The following DNAH9 variants were observed in gnomAD, a reference collection of about 807,000 sequenced individuals.
DNAH9 encodes dynein axonemal heavy chain 9.
In DNAH9, 345 loss-of-function variants were observed where a neutral mutation model predicts 471.6. That is an observed-to-expected ratio of 0.73 (90% confidence interval 0.67 to 0.80). The LOEUF (loss-of-function observed/expected upper bound fraction) is 0.80, where lower values mean the gene tolerates loss of function less well. DNAH9 is among the 30% of genes least tolerant of loss of function. The probability of loss-of-function intolerance (pLI) is 0.00; values close to 1 mark genes in which losing one functional copy is unlikely to be tolerated. For synonymous variants in DNAH9, 2,093 were observed against 2,123.6 expected, an observed-to-expected ratio of 0.99 and a Z score of 0.40; for missense variants, 5,407 against 5,609.2, an observed-to-expected ratio of 0.96 and a Z score of 1.15.
chr17:11,871,810 C>G (rs374591659), intron 52 of DNAH9, 24 bp downstream of exon 52: 1 of 1,610,002 alleles, frequency 6.2e-7, no homozygotes, highest in Non-Finnish European at 8.5e-7. Flanking sequence ...GAATTTCTCC[C>G]GACCACATCA....
chr17:11,778,747 C>T lies in DNAH9; in HGVS notation c.7553-2262C>T, dbSNP rs1358817490. 3.3e-5 allele frequency among the ~76,000 whole-genome samples: 5 copies of T among 152,234 alleles called. No individual in the cohort carries two copies. In the East Asian group the frequency reaches 5.8e-4, roughly 18 times the overall value. On this transcript the variant is annotated intron_variant, in intron 38 of 68. Coordinates refer to ENST00000262442, the MANE Select transcript of DNAH9 (RefSeq NM_001372.4). ...GCAGGCCGGGCACAGTGGCTCGTGC[C>T]TGTAATCCCAGCACTTTGGGAGGCT...
intron 35 of DNAH9, 100 bp downstream of exon 35, chr17:11,757,792 C>T: frequency 7.8e-7 from 1 of 1,281,178 alleles, no homozygotes; most frequent in Non-Finnish European, 1.1e-6. Context: ...GTCCCAAAGT[C>T]AGATGTTCCC....
chr17:11,706,382 AC>A (rs1302779231), intron 26 of DNAH9, among the ~76,000 whole-genome samples: 2 of 152,332 alleles, frequency 1.3e-5, no homozygotes, highest in East Asian at 3.9e-4. Flanking sequence ...CACTGGGAAT[AC>A]TAAGATGACT....
chr17:11,946,199 CA>C (rs34028612), intron 67 of DNAH9, among the ~76,000 whole-genome samples: 11,575 of 47,744 alleles, frequency 0.24, 201 homozygotes, highest in East Asian at 0.28. Context: ...GAGTCCATCT[CA>C]AAAAAAAAAA....
chr17:11,693,891 C>G lies in DNAH9; in HGVS notation c.4638C>G (p.Ile1546Met). 1 of 1,614,012 alleles carries G rather than the reference C, an allele frequency of 6.2e-7. No individual in the cohort carries two copies. Among genetic ancestry groups the G allele is most frequent in the South Asian group, 1.1e-5 (1 of 91,064 alleles). The stretch of plus-strand genomic sequence containing the variant: ...AGGATTCTAAAAGGTTTGAAGGCAT[C>G]GACATTGACTTTAAAGAGCTAGCTT... The part of the protein sequence containing the change: ...LPQDSKRFEG[I>M]DIDFKELAYD... Residue 1546 changes from isoleucine to methionine, a missense_variant, in exon 21 of 69, where the codon ATC (isoleucine) becomes ATG (methionine). Physicochemically the swap from Ile to Met is conservative, Grantham distance 10. Coordinates refer to ENST00000262442, the MANE Select transcript of DNAH9 (RefSeq NM_001372.4).
At chr17:11,658,918 C>T (rs558083394) in intron 14 of DNAH9, among the ~76,000 whole-genome samples, 17 of 151,704 alleles carry the variant, frequency 1.1e-4, no homozygotes, top group African/African-American at 3.4e-4. Flanking sequence ...GATTTTTGTA[C>T]GTGTGTTTAA....
chr17:11,890,215 T>C (rs1260569090), intron 57 of DNAH9, among the ~76,000 whole-genome samples: 9 of 152,162 alleles, frequency 5.9e-5, no homozygotes, highest in Non-Finnish European at 1.3e-4. Context: ...ACTCTGTCTC[T>C]ATGAAACTGT....
intron 23 of DNAH9, 43 bp from the exon 24 acceptor site, chr17:11,701,079 A>G (rs2074585241): frequency 6.2e-7 from 1 of 1,612,256 alleles, no homozygotes. Context: ...GACTAACCAA[A>G]ACTTCTCAGG....
At chr17:11,904,776 T>C (rs1973531065) in intron 60 of DNAH9, among the ~76,000 whole-genome samples, 1 of 150,742 alleles carries the variant, frequency 6.6e-6, no homozygotes, top group South Asian at 2.1e-4. Flanking sequence ...ACAGGGAAAA[T>C]AGTGTTCCTG....
At chr17:11,925,247 G>C (rs970876701) in intron 62 of DNAH9, 4 of 447,778 alleles carry the variant, frequency 8.9e-6, no homozygotes, top group African/African-American at 8.1e-5. Context: ...GGTGGGTCAA[G>C]GAATCCATGA....
chr17:11,610,810 C>T (rs2072618441), intron 3 of DNAH9, among the ~76,000 whole-genome samples: 1 of 152,172 alleles, frequency 6.6e-6, no homozygotes, highest in African/African-American at 2.4e-5. Flanking sequence ...TACATTTTTT[C>T]AAAGGCTCTT....
In DNAH9 at chr17:11,694,687, TCG is replaced by T. The variant is rs1271135154; in HGVS notation, c.4872+242_4872+243del. Among the ~76,000 whole-genome samples, 50 of 5,442 alleles carry T rather than the reference TCG, an allele frequency of 9.2e-3. 17 individuals carry two copies. The highest frequency in any genetic ancestry group is 0.012 in the African/African-American group (47 of 3,866). The allele number at this position is 5,442 out of a possible 152,430, so 3.6% of individuals were successfully genotyped here. ...CTCGCTTTCTCGCTTTCTCGCTTTCTCGCTTTCTCGCTTTCTCTCTCTCTCTC... is the reference window on the plus strand; with the variant it reads ...CTCGCTTTCTCGCTTTCTCGCTTTCTCTTTCTCGCTTTCTCTCTCTCTCTC... On this transcript the variant is annotated intron_variant, in intron 22 of 68. Transcript: ENST00000262442.
At chr17:11,745,409 A>G (rs968888219) in intron 31 of DNAH9, among the ~76,000 whole-genome samples, 5 of 152,222 alleles carry the variant, frequency 3.3e-5, no homozygotes, top group African/African-American at 1.2e-4. Flanking sequence ...CCACATCTAC[A>G]GAACCTCCAC....
At position 11,652,910 on chromosome 17, in the gene DNAH9, TC is replaced by T. The variant is rs763319958; in HGVS notation, c.2506del (p.Leu836PhefsTer57). On this transcript the variant is annotated frameshift_variant, in exon 14 of 69. Coordinates refer to ENST00000262442, the MANE Select transcript of DNAH9 (RefSeq NM_001372.4). LOFTEE classifies it high-confidence loss of function. ...TAAGACAAAAGATGGAAAAAGGGAATCCCTTCTTTCTCTGGATGATCGGCAT... is the reference window on the plus strand; with the variant it reads ...TAAGACAAAAGATGGAAAAAGGGAATCCTTCTTTCTCTGGATGATCGGCAT... ...IFKTKDGKRE[S>X]LLSLDDRHDR... The T allele has an allele frequency of 3.1e-6, 5 of 1,614,030 alleles. No individual in the cohort carries two copies. Among genetic ancestry groups the T allele is most frequent in the Non-Finnish European group, 4.2e-6 (5 of 1,179,900 alleles).
Position 11,719,351 on chromosome 17 carries a change from C to T in DNAH9, c.5570C>T (p.Thr1857Ile), listed in dbSNP as rs781397559. The T allele has an allele frequency of 6.2e-7, 1 of 1,614,032 alleles. No individual in the cohort carries two copies. The highest frequency in any genetic ancestry group is 2.2e-5 in the East Asian group (1 of 44,862). The change falls in exon 27 of 69, where the codon ACC becomes ATC. Residue 1857 changes from threonine to isoleucine, a missense_variant. Around this residue, in one of 3 missense-constraint regions of DNAH9, gnomAD observed 4,636 missense variants for 4,900.3 expected, o/e 0.95. Transcript: ENST00000262442. ...TTTGGCAGGTGCTACATCACCCTCA[C>T]CCAGTCCCTGCACCTGACCATGAGT... The part of the protein sequence containing the change: ...PLTDRCYITL[T>I]QSLHLTMSGA...
Position 11,834,748 on chromosome 17 carries a change from C to A in DNAH9, c.9357C>A (p.Ser3119Arg). ...TGGGTGTGGAGACTGACAAAGTGAG[C>A]AGAGAGAAAGCCATGGCAGATGAAG... ...QVVGVETDKVSREKAMADEEE... is the reference protein window; with the variant it reads ...QVVGVETDKVRREKAMADEEE... Residue 3119 changes from serine to arginine, a missense_variant, in exon 49 of 69, where the codon AGC (serine) becomes AGA (arginine). Ser to Arg is a moderately radical substitution (Grantham distance 110). Coordinates refer to ENST00000262442, the MANE Select transcript of DNAH9 (RefSeq NM_001372.4). The A allele has an allele frequency of 6.2e-7, 1 of 1,614,002 alleles. No homozygotes were observed. Among genetic ancestry groups the A allele is most frequent in the African/African-American group, 1.3e-5 (1 of 75,008 alleles).
intron 38 of DNAH9, among the ~76,000 whole-genome samples, chr17:11,770,943 A>G (rs1045865038): frequency 1.3e-5 from 2 of 152,186 alleles, no homozygotes; most frequent in East Asian, 3.9e-4. Context: ...GTCAGTGAAC[A>G]AGGAGTCAGG....
chr17:11,833,408 G>A (rs1970737688), intron 48 of DNAH9, among the ~76,000 whole-genome samples: 1 of 152,176 alleles, frequency 6.6e-6, no homozygotes, highest in Non-Finnish European at 1.5e-5. Flanking sequence ...CATTACTTGT[G>A]CTTAGCCACT....
rs1326780900 is a variant in DNAH9, at chr17:11,962,144, T to C, written c.13121T>C (p.Met4374Thr). ...ARKNEWPLDQ[M>T]ALQCDMTKKN... ...AAGAATGAGTGGCCACTGGACCAGA[T>C]GGCCCTGCAATGTGACATGACGAAG... The change falls in exon 68 of 69, where the codon ATG becomes ACG. Residue 4374 changes from methionine to threonine, a missense_variant. By Grantham distance (81) the Met-to-Thr change is moderately conservative. This residue lies in a region of DNAH9 where 4,636 missense variants were observed against 4,900.3 expected (regional missense o/e 0.95). Transcript: ENST00000262442. This position sits in a 1 kb window ranked among gnomAD's most constrained non-coding sequence, Gnocchi z 4.1. 2 of 1,613,998 alleles carry C rather than the reference T, an allele frequency of 1.2e-6. No homozygotes were observed. Among genetic ancestry groups the C allele is most frequent in the Non-Finnish European group, 1.7e-6 (2 of 1,180,038 alleles).
Sources: gnomAD v4.1 joint callset for allele counts (sites outside exome capture counted in the v4.1 genomes callset) on GRCh38, gnomAD v4.1.1 for gene constraint, gnomAD v4.1.1 regional missense constraint, Gnocchi (gnomAD v3.1) non-coding constraint, MANE v1.5 for transcripts, NCBI Gene and HGNC (gene_info 2026-07-23, HGNC 2026-07-21) for gene names.